The following SEPTIN14 variants were observed in gnomAD, a reference collection of about 807,000 sequenced individuals.
SEPTIN14 encodes septin-14.
A neutral mutation model predicts 53.6 loss-of-function variants in SEPTIN14; 40 were observed. The ratio of observed to expected loss-of-function variants is 0.75; its 90% CI spans 0.58 to 0.97. The LOEUF (loss-of-function observed/expected upper bound fraction) is 0.97, where lower values mean the gene tolerates loss of function less well. Ranked by LOEUF, SEPTIN14 falls within the 50% of genes least tolerant of loss-of-function variation. SEPTIN14 has a pLI of 0.00. For missense variants in SEPTIN14, 471 were observed against 508.2 expected, an observed-to-expected ratio of 0.93 and a Z score of 0.70; for synonymous variants, 138 against 166.8, an observed-to-expected ratio of 0.83 and a Z score of 1.33.
intron 5 of SEPTIN14, 82 bp from the exon 6 acceptor site, chr7:55,834,668 A>T (rs1789171824): frequency 8.4e-6 from 10 of 1,186,550 alleles, no homozygotes; most frequent in Non-Finnish European, 1.2e-5. Context: ...TTTGAGACGG[A>T]GTCTCGCTTT....
intron 2 of SEPTIN14, among the ~76,000 whole-genome samples, chr7:55,857,627 G>T (rs1219058374): frequency 1.9e-5 from 2 of 107,170 alleles, no homozygotes; most frequent in Non-Finnish European, 3.4e-5. Context: ...TCTCGCTGTC[G>T]CCCAGGCTGG....
chr7:55,845,427 C>T (rs60407450), intron 3 of SEPTIN14, among the ~76,000 whole-genome samples: 21,066 of 152,108 alleles, frequency 0.14, 1,872 homozygotes, highest in Non-Finnish European at 0.2. Flanking sequence ...GAGCTAGAGG[C>T]CATCATCCTT....
chr7:55,808,407 C>A (rs768652890), intron 7 of SEPTIN14, among the ~76,000 whole-genome samples: 6 of 152,104 alleles, frequency 3.9e-5, no homozygotes, highest in Non-Finnish European at 7.4e-5. Context: ...TTTTGAGGAA[C>A]CTTCATATTA....
chr7:55,825,232 G>A (rs892096207), intron 6 of SEPTIN14, among the ~76,000 whole-genome samples: 1 of 152,124 alleles, frequency 6.6e-6, no homozygotes, highest in Non-Finnish European at 1.5e-5. Flanking sequence ...CTAAGTGGAT[G>A]AAGCCAATCC....
At chr7:55,861,830 C>T (rs1789754688) in intron 2 of SEPTIN14, 113 bp downstream of exon 2, 6 of 620,918 alleles carry the variant, frequency 9.7e-6, no homozygotes, top group Non-Finnish European at 1.6e-5. Context: ...CCAAACATAA[C>T]AAACAAGACT....
intron 5 of SEPTIN14, among the ~76,000 whole-genome samples, chr7:55,841,917 C>G (rs1382786907): frequency 6.6e-6 from 1 of 151,572 alleles, no homozygotes; most frequent in Non-Finnish European, 1.5e-5. Context: ...GGCCTATAGT[C>G]CCAGCTACTT....
At chr7:55,830,347 A>ATTTTTTTTTTTTTTTTTT (rs1283196897) in intron 6 of SEPTIN14, among the ~76,000 whole-genome samples, 4 of 50,406 alleles carry the variant, frequency 7.9e-5, no homozygotes, top group African/African-American at 4.7e-4. Flanking sequence ...ATATATATAT[A>ATTTTTTTTTTTTTTTTTT]TATTTTTTTT....
intron 2 of SEPTIN14, among the ~76,000 whole-genome samples, chr7:55,855,344 C>T (rs991996395): frequency 4.0e-5 from 6 of 150,630 alleles, no homozygotes; most frequent in African/African-American, 1.2e-4. Flanking sequence ...CTAGTACTGA[C>T]GTTTCAGGTC....
intron 6 of SEPTIN14, among the ~76,000 whole-genome samples, chr7:55,831,741 A>G (rs774069269): frequency 1.7e-4 from 26 of 152,214 alleles, no homozygotes; most frequent in Non-Finnish European, 2.9e-4. Context: ...AATATCCAGA[A>G]TCTAAAAAGA....
intron 6 of SEPTIN14, among the ~76,000 whole-genome samples, chr7:55,820,795 C>A (rs1397851206): frequency 6.6e-6 from 1 of 151,982 alleles, no homozygotes; most frequent in Non-Finnish European, 1.5e-5. Context: ...CAGAAATTAG[C>A]GGGGCATGGT....
At chr7:55,810,376 T>C (rs1270783233) in intron 7 of SEPTIN14, among the ~76,000 whole-genome samples, 6 of 152,102 alleles carry the variant, frequency 3.9e-5, no homozygotes, top group Admixed American at 2.0e-4. Context: ...TTGCCCCTTA[T>C]CAGATGTATA....
chr7:55,845,569 G>T (rs1015604297), intron 3 of SEPTIN14, among the ~76,000 whole-genome samples: 1 of 152,110 alleles, frequency 6.6e-6, no homozygotes, highest in Non-Finnish European at 1.5e-5. Flanking sequence ...ATAAAAAAAT[G>T]ATAAGTAAAC....
At chr7:55,824,453 T>C (rs1788949458) in intron 6 of SEPTIN14, among the ~76,000 whole-genome samples, 1 of 152,122 alleles carries the variant, frequency 6.6e-6, no homozygotes, top group African/African-American at 2.4e-5. Flanking sequence ...ACACATTTAT[T>C]AAATTTCCAC....
intron 4 of SEPTIN14, among the ~76,000 whole-genome samples, chr7:55,843,601 AGGT>A (rs1321934566): frequency 1.3e-5 from 2 of 152,226 alleles, no homozygotes; most frequent in East Asian, 3.8e-4. Context: ...TGGGAGGCCA[AGGT>A]GGGTGGATCA....
intron 5 of SEPTIN14, among the ~76,000 whole-genome samples, chr7:55,842,112 T>G (rs1789322499): frequency 6.6e-6 from 1 of 152,188 alleles, no homozygotes; most frequent in Non-Finnish European, 1.5e-5. Flanking sequence ...AGTACCATGC[T>G]GTCCAGGTTT....
chr7:55,824,344 A>G (rs769979551), intron 6 of SEPTIN14, among the ~76,000 whole-genome samples: 2 of 152,230 alleles, frequency 1.3e-5, no homozygotes, highest in African/African-American at 2.4e-5. Context: ...AGCCACCTCA[A>G]CAAAAAAGAT....
chr7:55,854,990 C>A (rs1789589310), intron 2 of SEPTIN14, among the ~76,000 whole-genome samples: 1 of 150,524 alleles, frequency 6.6e-6, no homozygotes, highest in African/African-American at 2.4e-5. Flanking sequence ...AAATAATGAA[C>A]TAAGGCAAGA....
chr7:55,821,913 C>A (rs1788902300), intron 6 of SEPTIN14, among the ~76,000 whole-genome samples: 2 of 152,122 alleles, frequency 1.3e-5, no homozygotes, highest in African/African-American at 2.4e-5. Context: ...ACTTACAGTT[C>A]CACATGGCAG....
rs1185086629 is a variant in SEPTIN14, at chr7:55,818,368, AG to A, written c.817+758del. 2.7e-5 allele frequency among the ~76,000 whole-genome samples: 4 copies of A among 148,508 alleles called. No individual in the cohort carries two copies. In the Admixed American group the frequency reaches 2.7e-4, roughly 10 times the overall value. On this transcript the variant is annotated intron_variant, in intron 7 of 9. Coordinates refer to ENST00000388975, the MANE Select transcript of SEPTIN14 (RefSeq NM_207366.3). ...GCGCATGTAATCCCAGCTACTCGGA[AG>A]GCTTAGGCAGGAGAATAGCTGGAAC...
Sources: gnomAD v4.1 joint callset for allele counts (sites outside exome capture counted in the v4.1 genomes callset) on GRCh38, gnomAD v4.1.1 for gene constraint, MANE v1.5 for transcripts, NCBI Gene and HGNC (gene_info 2026-07-23, HGNC 2026-07-21) for gene names.